Variants in FBF1 observed in about 807,000 individuals in gnomAD.
The protein encoded by FBF1 is Fas binding factor 1.
A neutral mutation model predicts 147.2 loss-of-function variants in FBF1; 119 were observed. The ratio of observed to expected loss-of-function variants is 0.81; its 90% CI spans 0.70 to 0.94. The LOEUF (loss-of-function observed/expected upper bound fraction) is 0.94, where lower values mean the gene tolerates loss of function less well. FBF1 is among the 40% of genes least tolerant of loss of function. FBF1 has a pLI of 0.00. For synonymous variants in FBF1, 601 were observed against 609.0 expected (o/e 0.99, Z 0.19); for missense variants, 1,449 against 1,500.8 (o/e 0.97, Z 0.57).
chr17:75,938,930 C>T (rs1288033111), intron 1 of FBF1, among the ~76,000 whole-genome samples: 1 of 151,794 alleles, frequency 6.6e-6, no homozygotes, highest in Non-Finnish European at 1.5e-5. Context: ...TCTCACTTTG[C>T]CCATTCAAGA....
At position 75,928,961 on chromosome 17, in the gene FBF1, C is replaced by G. The variant is rs1220178955; in HGVS notation, c.280-768G>C. Among the ~76,000 whole-genome samples, 3 of 150,768 alleles carry G rather than the reference C, an allele frequency of 2.0e-5. No homozygotes were observed. The highest frequency in any genetic ancestry group is 4.4e-5 in the Non-Finnish European group (3 of 67,758). On this transcript the variant is annotated intron_variant, in intron 7 of 29. Transcript: ENST00000636174. This position sits in a 1 kb window ranked among gnomAD's most constrained non-coding sequence, Gnocchi z 4.2. ...CTGCCATGGCCTCCCAAAGTGCTGG[C>G]ATTACAGGAGTAAGCCACCATGCCA...
chr17:75,937,638 A>T, intron 2 of FBF1, 45 bp from the exon 3 acceptor site: 1 of 1,610,748 alleles, frequency 6.2e-7, no homozygotes, highest in Non-Finnish European at 8.5e-7. Flanking sequence ...CAAACAGTGA[A>T]CACAGGTGGA....
chr17:75,923,454 C>T lies in FBF1; in HGVS notation c.1156G>A (p.Val386Ile), dbSNP rs1361160044. 6.2e-7 allele frequency: 1 copy of T among 1,609,426 alleles called. No homozygotes were observed. Among genetic ancestry groups the T allele is most frequent in the Non-Finnish European group, 8.5e-7 (1 of 1,178,210 alleles). ...GCAGGAGGAGGCACTGAGGGCGTGA[C>T]AGGCACTGAACTTTCCCGATGGGCC... ...REAHRESSVP[V>I]TPSVPPPASQ... The change falls in exon 14 of 30, where the codon GTC becomes ATC. Residue 386 changes from valine (V) to isoleucine (I), a missense_variant. Val to Ile is a conservative substitution (Grantham distance 29). Coordinates refer to ENST00000636174, the MANE Select transcript of FBF1 (RefSeq NM_001319193.2). This position sits in a 1 kb window ranked among gnomAD's most constrained non-coding sequence, Gnocchi z 4.1.
chr17:75,924,559 C>T (rs2065548902), intron 13 of FBF1, among the ~76,000 whole-genome samples: 1 of 152,152 alleles, frequency 6.6e-6, no homozygotes, highest in Non-Finnish European at 1.5e-5. Context: ...CTCACCACAA[C>T]TTCCGCCTCT....
Position 75,935,677 on chromosome 17 carries a change from G to A in FBF1, c.32-4C>T. 6.5e-7 allele frequency: 1 copy of A among 1,536,948 alleles called. No homozygotes were observed. Among genetic ancestry groups the A allele is most frequent in the African/African-American group, 1.4e-5 (1 of 73,112 alleles). ...CCAAGAAAATCATCAATGGAGCCTG[G>A]AACAGAAAAGGGACTGTCATGACTT... On this transcript the variant is annotated splice_region_variant and splice_polypyrimidine_tract_variant and intron_variant, in intron 3 of 29. Coordinates refer to ENST00000636174, the MANE Select transcript of FBF1 (RefSeq NM_001319193.2).
chr17:75,934,391 T>C (rs886216171), intron 4 of FBF1, among the ~76,000 whole-genome samples: 19 of 151,694 alleles, frequency 1.3e-4, no homozygotes, highest in African/African-American at 4.4e-4. Context: ...CGAAAACCCA[T>C]CTCTACTAAA....
At position 75,913,996 on chromosome 17, in the gene FBF1, C is replaced by G; in HGVS notation, c.3046G>C (p.Val1016Leu). ...AACCGGGCCTGCTGCTCTGCCTGCA[C>G]CTGCTGGGCCTCGCGCAATGCCCGC... ...GERALREAQQ[V>L]QAEQQARLQA... Residue 1016 changes from valine (V) to leucine (L), a missense_variant, in exon 27 of 30, where the codon GTG becomes CTG. Physicochemically the swap from Val to Leu is conservative, Grantham distance 32. Coordinates refer to ENST00000636174, the MANE Select transcript of FBF1 (RefSeq NM_001319193.2). The G allele has an allele frequency of 6.4e-7, 1 of 1,574,528 alleles. No homozygotes were observed. The highest frequency in any genetic ancestry group is 8.6e-7 in the Non-Finnish European group (1 of 1,167,368).
Position 75,926,281 on chromosome 17 carries a change from T to C in FBF1, c.734+7A>G, listed in dbSNP as rs1567862030. Reference sequence around the variant, plus strand: ...GGCAGCAGCCTGGCCTACTCAGGGATCCTTACTGGTCTCCTATCTGCCTCT... The same window carrying C: ...GGCAGCAGCCTGGCCTACTCAGGGACCCTTACTGGTCTCCTATCTGCCTCT... On this transcript the variant is annotated splice_region_variant and intron_variant, in intron 11 of 29. Transcript: ENST00000636174. 1 of 1,612,878 alleles carries C rather than the reference T, an allele frequency of 6.2e-7. No individual in the cohort carries two copies. The highest frequency in any genetic ancestry group is 8.5e-7 in the Non-Finnish European group (1 of 1,179,590).
intron 17 of FBF1, 101 bp from the exon 18 acceptor site, chr17:75,920,530 C>G: frequency 7.7e-7 from 1 of 1,296,178 alleles, no homozygotes; most frequent in Non-Finnish European, 1.0e-6. Flanking sequence ...CTCCCTGCAT[C>G]TGATCTGTGG....
At chr17:75,915,877 A>C (rs1221204823) in intron 23 of FBF1, among the ~76,000 whole-genome samples, 1 of 151,776 alleles carries the variant, frequency 6.6e-6, no homozygotes, top group Admixed American at 6.6e-5. Context: ...GCGTGGTGGC[A>C]GTTGCCTGTA....
intron 5 of FBF1, among the ~76,000 whole-genome samples, chr17:75,931,855 A>G (rs903036909): frequency 3.3e-5 from 5 of 152,144 alleles, no homozygotes; most frequent in Non-Finnish European, 5.9e-5. Flanking sequence ...GGGCTCAGAA[A>G]ATTCCTCCCT....
intron 29 of FBF1, among the ~76,000 whole-genome samples, chr17:75,911,790 T>G (rs1273744708): frequency 3.3e-5 from 5 of 152,094 alleles, no homozygotes; most frequent in Non-Finnish European, 5.9e-5. Flanking sequence ...GGATTACAGG[T>G]GTGAGCCACG....
intron 7 of FBF1, among the ~76,000 whole-genome samples, chr17:75,929,192 C>G (rs891062374): frequency 6.6e-6 from 1 of 151,726 alleles, no homozygotes; most frequent in South Asian, 2.1e-4. Context: ...GAATCTGGAC[C>G]GGGTGTGGTG....
In FBF1 at chr17:75,926,784, T is replaced by C. The variant is rs975779590; in HGVS notation, c.569A>G (p.Lys190Arg). The change falls in exon 10 of 30, where the codon AAG (lysine) becomes AGG (arginine). Residue 190 changes from lysine to arginine, a missense_variant. Physicochemically the swap from Lys to Arg is conservative, Grantham distance 26. Transcript: ENST00000636174. Reference sequence around the variant, plus strand: ...TTGATCTCTCACTGTGCTGGGGCTCTTGTCAGAAGCTGTTTTACTCTGTGT... The same window carrying C: ...TTGATCTCTCACTGTGCTGGGGCTCCTGTCAGAAGCTGTTTTACTCTGTGT... ...PVTQSKTASD[K>R]SPSTVRDQGP... 6.2e-7 allele frequency: 1 copy of C among 1,613,868 alleles called. No individual in the cohort carries two copies. The highest frequency in any genetic ancestry group is 1.3e-5 in the African/African-American group (1 of 75,074).
chr17:75,920,086 G>A lies in FBF1; in HGVS notation c.1852C>T (p.Arg618Trp), dbSNP rs376971539. 1.4e-5 allele frequency: 22 copies of A among 1,587,932 alleles called. No homozygotes were observed. The African/African-American group carries it at 1.5e-4, about 11-fold the overall frequency. The change falls in exon 19 of 30, where the codon CGG becomes TGG. Residue 618 changes from arginine to tryptophan, a missense_variant. Physicochemically the swap from Arg to Trp is moderately radical, Grantham distance 101 (BLOSUM62 -3). Transcript: ENST00000636174. ...CCCAGCAGCAGCTCATGCTGGGCCCGTTCTAGCTCCAGCTTCCGCACCTGG... is the reference window on the plus strand; with the variant it reads ...CCCAGCAGCAGCTCATGCTGGGCCCATTCTAGCTCCAGCTTCCGCACCTGG... ...EAQVRKLELE[R>W]AQHELLLGSL...
chr17:75,909,778 G>C lies in FBF1; in HGVS notation c.*945C>G, dbSNP rs1163065462. The C allele has an allele frequency of 3.2e-6, 2 of 633,584 alleles. No individual in the cohort carries two copies. Among genetic ancestry groups the C allele is most frequent in the Non-Finnish European group, 5.7e-6 (2 of 348,274 alleles). The allele number at this position is 633,584 out of a possible 1,614,324, so 39.2% of individuals were successfully genotyped here. A position where few individuals can be genotyped will look rare whatever the true frequency, so the allele number is the denominator to read the frequency against. On this transcript the variant is annotated 3_prime_UTR_variant, in exon 30 of 30. Coordinates refer to ENST00000636174, the MANE Select transcript of FBF1 (RefSeq NM_001319193.2). ...GATCTTTTAATAAGAACATCTGCCT[G>C]TTCTTTGGGACTTGTCCAGCAAATA... is the stretch of plus-strand genomic sequence containing the variant.
In FBF1 at chr17:75,912,213, C is replaced by G. The variant is rs1412101398; in HGVS notation, c.3342G>C (p.Leu1114=). The G allele has an allele frequency of 7.5e-6, 12 of 1,609,582 alleles. No homozygotes were observed. The highest frequency in any genetic ancestry group is 2.7e-5 in the African/African-American group (2 of 74,910). The part of the protein sequence containing the change: ...SPLHLHARLA[L]LRHMAEQDRD... The stretch of plus-strand genomic sequence containing the variant: ...TCACCTGCTCTGCCATGTGCCTCAG[C>G]AGTGCCAGCCTGGCATGGAGGTGCA... The change falls in exon 29 of 30, where the codon CTG becomes CTC. Residue 1114 remains leucine, a synonymous_variant. Transcript: ENST00000636174.
intron 13 of FBF1, among the ~76,000 whole-genome samples, chr17:75,924,650 G>T (rs1434391623): frequency 6.6e-6 from 1 of 152,066 alleles, no homozygotes; most frequent in South Asian, 2.1e-4. Flanking sequence ...GCTAATTTTT[G>T]TATTTTCAGC....
intron 7 of FBF1, among the ~76,000 whole-genome samples, chr17:75,929,264 A>T (rs2065580325): frequency 6.6e-6 from 1 of 151,640 alleles, no homozygotes; most frequent in South Asian, 2.1e-4. Flanking sequence ...TAAGGCCAGG[A>T]GTTTAAGGTT....
Sources: gnomAD v4.1 joint callset for allele counts (sites outside exome capture counted in the v4.1 genomes callset) on GRCh38, gnomAD v4.1.1 for gene constraint, Gnocchi (gnomAD v3.1) non-coding constraint, MANE v1.5 for transcripts, NCBI Gene and HGNC (gene_info 2026-07-23, HGNC 2026-07-21) for gene names.